The following PPP4C variants were observed in gnomAD, a reference collection of about 807,000 sequenced individuals.
PPP4C encodes protein phosphatase 4 catalytic subunit.
PPP4C carries 10 observed loss-of-function variants against 40.5 expected under a neutral mutation model. That is an observed-to-expected ratio of 0.25 (90% CI 0.15 to 0.42). The LOEUF (loss-of-function observed/expected upper bound fraction) is 0.42. Among genes scored for constraint, PPP4C ranks in the 10% least tolerant of loss-of-function variants. PPP4C has a pLI of 1.00. For missense variants in PPP4C, 191 were observed against 416.4 expected (o/e 0.46, Z 4.71); for synonymous variants, 187 against 163.6 (o/e 1.14, Z -1.09).
At chr16:30,079,783 G>T (rs370938049) in intron 2 of PPP4C, among the ~76,000 whole-genome samples, 1 of 152,162 alleles carries the variant, frequency 6.6e-6, no homozygotes, top group African/African-American at 2.4e-5. Context: ...GGCAGAAAGA[G>T]GGGGGCCAGG....
In PPP4C at chr16:30,085,279, A is replaced by G; in HGVS notation, c.*217A>G. ...CCACTTGAACCATGAAGTTTCCAAT[A>G]ATTTTTTTTTCTTTTTTTCCTTCTT... On this transcript the variant is annotated 3_prime_UTR_variant, in exon 9 of 9. Transcript: ENST00000279387. The G allele has an allele frequency of 2.4e-6, 1 of 413,610 alleles. No individual in the cohort carries two copies. Among genetic ancestry groups the G allele is most frequent in the Non-Finnish European group, 4.2e-6 (1 of 238,846 alleles). 25.6% of individuals were successfully genotyped at this position (413,610 alleles called of 1,614,324 possible).
At chr16:30,080,114 G>C (rs897791437) in intron 2 of PPP4C, among the ~76,000 whole-genome samples, 1 of 152,040 alleles carries the variant, frequency 6.6e-6, no homozygotes, top group South Asian at 2.1e-4. Context: ...GGAGGCAAAG[G>C]TGGGTAGATC....
At position 30,083,758 on chromosome 16, in the gene PPP4C, ACCT is replaced by A; in HGVS notation, c.586_588del (p.Leu196del). 1 of 1,613,970 alleles carries A rather than the reference ACCT, an allele frequency of 6.2e-7. No homozygotes were observed. Among genetic ancestry groups the A allele is most frequent in the Non-Finnish European group, 8.5e-7 (1 of 1,179,980 alleles). ...GTGCCTCATGATGGGCCCATGTGTG[ACCT>A]CCTCTGGTCTGACCCAGAAGGTGAG... is the stretch of plus-strand genomic sequence containing the variant. On this transcript the variant is annotated inframe_deletion, in exon 7 of 9. Coordinates refer to ENST00000279387, the MANE Select transcript of PPP4C (RefSeq NM_002720.3). The surrounding 1 kb of genome is among the most constrained non-coding windows in gnomAD (Gnocchi z 6.3).
At position 30,083,867 on chromosome 16, in the gene PPP4C, G is replaced by A. The variant is rs557871169; in HGVS notation, c.604+86G>A. ...GCAGGGCTGGTCTTCACTGTCACTCGTCCTCCACCTGCCAAATGGCTGGAA... is the reference window on the plus strand; with the variant it reads ...GCAGGGCTGGTCTTCACTGTCACTCATCCTCCACCTGCCAAATGGCTGGAA... On this transcript the variant is annotated intron_variant, in intron 7 of 8. Coordinates refer to ENST00000279387, the MANE Select transcript of PPP4C (RefSeq NM_002720.3). The surrounding 1 kb of genome is among the most constrained non-coding windows in gnomAD (Gnocchi z 6.3). The A allele has an allele frequency of 1.0e-4, 164 of 1,562,488 alleles. 1 individual carries two copies. The Admixed American group carries it at 1.8e-3, about 17-fold the overall frequency.
chr16:30,077,818 G>A (rs1159111488), intron 2 of PPP4C, among the ~76,000 whole-genome samples: 1 of 152,186 alleles, frequency 6.6e-6, no homozygotes, highest in Non-Finnish European at 1.5e-5. Context: ...TGACTTAACT[G>A]AGGTCACCCA....
intron 7 of PPP4C, 112 bp from the exon 8 acceptor site, chr16:30,084,554 A>G (rs2072581487): frequency 3.1e-6 from 3 of 953,516 alleles, no homozygotes; most frequent in Non-Finnish European, 4.9e-6. Context: ...CTCTGGTCCC[A>G]CGGGCCTCTG....
chr16:30,077,599 C>T (rs2072425971), intron 2 of PPP4C, among the ~76,000 whole-genome samples: 1 of 152,186 alleles, frequency 6.6e-6, no homozygotes, highest in African/African-American at 2.4e-5. Context: ...ATTGTGGCTT[C>T]TACCAGGCTG....
chr16:30,079,926 G>T (rs937899272), intron 2 of PPP4C, among the ~76,000 whole-genome samples: 2 of 152,138 alleles, frequency 1.3e-5, no homozygotes, highest in Non-Finnish European at 2.9e-5. Flanking sequence ...CTTCATCTGT[G>T]TACCGGGAAT....
chr16:30,079,963 TTAA>T lies in PPP4C; in HGVS notation c.99-1292_99-1290del, dbSNP rs1431026459. Among the ~76,000 whole-genome samples the T allele has an allele frequency of 3.3e-5, 5 of 152,338 alleles. No individual in the cohort carries two copies. The East Asian group carries it at 7.7e-4, about 23-fold the overall frequency. ...ATCATAGTACCTGCCTGCCAAGCTC[TTAA>T]TAACATTTGTGGCACACAGTATGAG... On this transcript the variant is annotated intron_variant, in intron 2 of 8. Transcript: ENST00000279387.
Position 30,076,020 on chromosome 16 carries a change from C to CGGCGGCGGT in PPP4C, c.-130_-129insTGGCGGCGG. On this transcript the variant is annotated 5_prime_UTR_variant, in exon 1 of 9. Coordinates refer to ENST00000279387, the MANE Select transcript of PPP4C (RefSeq NM_002720.3). ...CCGGAAGTAGGAGCGGCGGCGGCGGCGGCGGCGGCGGTCGAAAGCGGAGTG... is the reference window on the plus strand; with the variant it reads ...CCGGAAGTAGGAGCGGCGGCGGCGGCGGCGGCGGTGGCGGCGGCGGTCGAAAGCGGAGTG... The CGGCGGCGGT allele has an allele frequency of 2.7e-6, 1 of 377,348 alleles. No individual in the cohort carries two copies. Among genetic ancestry groups the CGGCGGCGGT allele is most frequent in the Non-Finnish European group, 4.8e-6 (1 of 207,310 alleles). 23.4% of individuals were successfully genotyped at this position (377,348 alleles called of 1,614,324 possible).
In PPP4C at chr16:30,083,294, G is replaced by A; in HGVS notation, c.304-100G>A. On this transcript the variant is annotated intron_variant, in intron 5 of 8. Transcript: ENST00000279387. This position sits in a 1 kb window ranked among gnomAD's most constrained non-coding sequence, Gnocchi z 6.3. ...AGAGGTGCCAGGAGTGTGCTGGGCAGTGGTTGTGAGGATGGCAGGCTGGCG... is the reference window on the plus strand; with the variant it reads ...AGAGGTGCCAGGAGTGTGCTGGGCAATGGTTGTGAGGATGGCAGGCTGGCG... 7.4e-7 allele frequency: 1 copy of A among 1,357,986 alleles called. No homozygotes were observed. The highest frequency in any genetic ancestry group is 1.0e-6 in the Non-Finnish European group (1 of 981,204). 84.1% of individuals were successfully genotyped at this position (1,357,986 alleles called of 1,614,324 possible). A position where few individuals can be genotyped will look rare whatever the true frequency, so the allele number is the denominator to read the frequency against.
rs1365840273 is a variant in PPP4C, at chr16:30,084,990, C to T, written c.852C>T (p.Ile284=). Residue 284 remains isoleucine, a synonymous_variant, in exon 9 of 9, where the codon ATC becomes ATT. Transcript: ENST00000279387. ...ACGAGCATCTCCAGAAAGATTTCAT[C>T]ATCTTTGAGGCTGCTCCCCAAGAGA... ...ELDEHLQKDF[I]IFEAAPQETR... is the part of the protein sequence containing the mutation. The T allele has an allele frequency of 1.2e-6, 2 of 1,614,198 alleles. No homozygotes were observed. The highest frequency in any genetic ancestry group is 8.5e-7 in the Non-Finnish European group (1 of 1,180,026).
chr16:30,078,772 C>G (rs1285577118), intron 2 of PPP4C, among the ~76,000 whole-genome samples: 1 of 152,256 alleles, frequency 6.6e-6, no homozygotes, highest in African/African-American at 2.4e-5. Flanking sequence ...CAGTATGAAT[C>G]TTTGCCTTGT....
At chr16:30,082,177 C>G (rs2072522894) in intron 3 of PPP4C, among the ~76,000 whole-genome samples, 1 of 152,186 alleles carries the variant, frequency 6.6e-6, no homozygotes, top group Non-Finnish European at 1.5e-5. Context: ...GCTCACATAT[C>G]TCCAGGGCTC....
chr16:30,082,723 C>T (rs780138095), intron 4 of PPP4C, 23 bp from the exon 5 acceptor site: 1 of 1,605,886 alleles, frequency 6.2e-7, no homozygotes, highest in East Asian at 2.2e-5. Context: ...TACGACAGGG[C>T]AAAACTTTCT....
rs1000482241 is a variant in PPP4C at position 30,076,491 on chromosome 16, C to T, written c.98+16C>T. On this transcript the variant is annotated intron_variant, in intron 2 of 8. Coordinates refer to ENST00000279387, the MANE Select transcript of PPP4C (RefSeq NM_002720.3). ...CTAAGGCCAGGTGAGCTCGTTGGCC[C>T]TGGGGAAGGGAGGCCAAGCCGCCGC... 5.0e-6 allele frequency: 8 copies of T among 1,599,048 alleles called. No homozygotes were observed. The highest frequency in any genetic ancestry group is 6.8e-6 in the Non-Finnish European group (8 of 1,172,434).
In PPP4C at chr16:30,083,606, G is replaced by C. The variant is rs778419359; in HGVS notation, c.477+39G>C. 1.2e-6 allele frequency: 2 copies of C among 1,613,754 alleles called. No individual in the cohort carries two copies. The highest frequency in any genetic ancestry group is 1.7e-5 in the Admixed American group (1 of 60,020). ...GGGCTCCATGGGACAGGGAGAGGAGGGGGGCTTCAGGCCTCAGCCCCGTCC... is the reference window on the plus strand; with the variant it reads ...GGGCTCCATGGGACAGGGAGAGGAGCGGGGCTTCAGGCCTCAGCCCCGTCC... On this transcript the variant is annotated intron_variant, in intron 6 of 8. Coordinates refer to ENST00000279387, the MANE Select transcript of PPP4C (RefSeq NM_002720.3). The surrounding 1 kb of genome is among the most constrained non-coding windows in gnomAD (Gnocchi z 6.3).
Position 30,083,838 on chromosome 16 carries a change from G to C in PPP4C, c.604+57G>C. On this transcript the variant is annotated intron_variant, in intron 7 of 8. Transcript: ENST00000279387. The surrounding 1 kb of genome is among the most constrained non-coding windows in gnomAD (Gnocchi z 6.3). ...CAGCCAGGAGGGGTTGGGAAAGAGAGGGAGCAGGGCTGGTCTTCACTGTCA... is the reference window on the plus strand; with the variant it reads ...CAGCCAGGAGGGGTTGGGAAAGAGACGGAGCAGGGCTGGTCTTCACTGTCA... 1.7e-5 allele frequency: 27 copies of C among 1,603,558 alleles called. No individual in the cohort carries two copies. The highest frequency in any genetic ancestry group is 2.2e-5 in the Non-Finnish European group (26 of 1,176,408).
intron 2 of PPP4C, among the ~76,000 whole-genome samples, chr16:30,077,590 T>G (rs1241463327): frequency 6.6e-6 from 1 of 152,202 alleles, no homozygotes; most frequent in East Asian, 1.9e-4. Flanking sequence ...AACTGTGTGA[T>G]TGTGGCTTCT....
Sources: allele counts gnomAD v4.1 joint callset (sites outside exome capture counted in the v4.1 genomes callset), GRCh38; gene constraint gnomAD v4.1.1; non-coding constraint Gnocchi (gnomAD v3.1); transcripts MANE v1.5; gene names NCBI Gene and HGNC (gene_info 2026-07-23, HGNC 2026-07-21).